The following DNHD1 variants were observed in gnomAD, a reference collection of about 807,000 sequenced individuals.
The protein encoded by DNHD1 is dynein heavy chain domain 1.
Under a neutral mutation model 458.1 loss-of-function variants are expected in DNHD1, and 383 were observed. That is an observed-to-expected ratio of 0.84 (90% confidence interval 0.77 to 0.91). DNHD1 has a LOEUF of 0.91. Among genes scored for constraint, DNHD1 ranks in the 40% least tolerant of loss-of-function variants. The pLI is 0.00. For synonymous variants in DNHD1, 2,203 were observed against 2,376.9 expected (o/e 0.93, Z 2.13); for missense variants, 5,336 against 5,866.1 (o/e 0.91, Z 2.95).
chr11:6,509,387 T>G, intron 6 of DNHD1, 115 bp downstream of exon 6: 1 of 875,816 alleles, frequency 1.1e-6, no homozygotes. Context: ...AGAAAAAACC[T>G]TTAATCCTAC....
chr11:6,499,473 G>C (rs1358022984), intron 3 of DNHD1, among the ~76,000 whole-genome samples: 1 of 152,124 alleles, frequency 6.6e-6, no homozygotes, highest in Non-Finnish European at 1.5e-5. Flanking sequence ...CTACTGGATA[G>C]AATTTCATTT....
intron 6 of DNHD1, among the ~76,000 whole-genome samples, chr11:6,511,019 G>A (rs1350292810): frequency 6.6e-6 from 1 of 152,204 alleles, no homozygotes; most frequent in Non-Finnish European, 1.5e-5. Flanking sequence ...TTCTAGCAGA[G>A]AGATCACTAG....
At chr11:6,518,236 AT>A (rs1282173876) in intron 7 of DNHD1, among the ~76,000 whole-genome samples, 2 of 151,860 alleles carry the variant, frequency 1.3e-5, no homozygotes, top group African/African-American at 4.8e-5. Flanking sequence ...AATTTTTTGT[AT>A]TTTTTGCAGA....
At chr11:6,499,846 G>A (rs772798087) in intron 3 of DNHD1, among the ~76,000 whole-genome samples, 30 of 151,784 alleles carry the variant, frequency 2.0e-4, no homozygotes, top group Non-Finnish European at 4.3e-4. Flanking sequence ...GATTACAGGC[G>A]TGAGTCACTG....
Position 6,548,909 on chromosome 11 carries a change from G to A in DNHD1, c.7363G>A (p.Glu2455Lys), listed in dbSNP as rs1564817303. The A allele has an allele frequency of 1.3e-6, 2 of 1,551,720 alleles. No homozygotes were observed. The highest frequency in any genetic ancestry group is 2.4e-5 in the East Asian group (1 of 40,928). ...DSKPSLLFLL[E>K]DLHLATSDPE... ...TAAACCCTCCCTCCTCTTCTTGCTG[G>A]AGGACCTGCACCTAGCCACTTCTGG... The change falls in exon 24 of 43, where the codon GAG becomes AAG. Residue 2455 changes from glutamate to lysine, a missense_variant. Coordinates refer to ENST00000254579, the MANE Select transcript of DNHD1 (RefSeq NM_144666.3). The surrounding 1 kb of genome is among the most constrained non-coding windows in gnomAD (Gnocchi z 4.4).
At chr11:6,540,229 C>T in intron 18 of DNHD1, 146 bp downstream of exon 18, 1 of 690,468 alleles carries the variant, frequency 1.4e-6, no homozygotes, top group Non-Finnish European at 2.4e-6. Context: ...TGTTCTGAGA[C>T]AGTGTCTTCC....
intron 7 of DNHD1, among the ~76,000 whole-genome samples, chr11:6,517,735 C>T (rs1181990915): frequency 1.5e-5 from 2 of 135,800 alleles, no homozygotes; most frequent in South Asian, 2.5e-4. Context: ...GATCTAATCA[C>T]CTCCCCAAAG....
At chr11:6,524,724 T>A (rs1029530921) in intron 10 of DNHD1, among the ~76,000 whole-genome samples, 4 of 152,210 alleles carry the variant, frequency 2.6e-5, no homozygotes, top group Non-Finnish European at 5.9e-5. Flanking sequence ...AGTCTTCAGC[T>A]ATGCTTGTGT....
At chr11:6,517,465 G>A (rs865950734) in intron 7 of DNHD1, among the ~76,000 whole-genome samples, 4 of 151,916 alleles carry the variant, frequency 2.6e-5, no homozygotes, top group Admixed American at 2.0e-4. Context: ...TAGAAACATC[G>A]ATGTGTCCAT....
chr11:6,501,089 A>G (rs1852124679), intron 3 of DNHD1, among the ~76,000 whole-genome samples: 1 of 152,158 alleles, frequency 6.6e-6, no homozygotes. Context: ...ATGTTAAATG[A>G]GACAAGTAAG....
chr11:6,503,864 A>G (rs959216844), intron 4 of DNHD1: 1 of 152,204 alleles, frequency 6.6e-6, no homozygotes, highest in Admixed American at 6.5e-5. Context: ...AAACTCTTCA[A>G]TATATTAGGC....
At position 6,564,416 on chromosome 11, in the gene DNHD1, A is replaced by C; in HGVS notation, c.10368A>C (p.Pro3456=). ...TCATCTACCTGGGTCCCTTCCCACC[A>C]TTGCGGCGCCAAGAGCTACTGGACG... ...AAIIYLGPFP[P]LRRQELLDEW... The change falls in exon 32 of 43, where the codon CCA becomes CCC. Residue 3456 remains proline, a synonymous_variant. Coordinates refer to ENST00000254579, the MANE Select transcript of DNHD1 (RefSeq NM_144666.3). 1 of 1,551,626 alleles carries C rather than the reference A, an allele frequency of 6.4e-7. No individual in the cohort carries two copies. Among genetic ancestry groups the C allele is most frequent in the East Asian group, 2.4e-5 (1 of 40,920 alleles).
intron 41 of DNHD1, 50 bp from the exon 42 acceptor site, chr11:6,570,568 A>C: frequency 6.6e-7 from 1 of 1,525,276 alleles, no homozygotes; most frequent in Non-Finnish European, 8.8e-7. Flanking sequence ...TCTCGAGTCT[A>C]GGGTGGGGAG....
At chr11:6,533,582 G>A (rs1448001250) in intron 13 of DNHD1, 99 bp from the exon 14 acceptor site, 1 of 1,433,980 alleles carries the variant, frequency 7.0e-7, no homozygotes, top group East Asian at 2.5e-5. Context: ...AACTGGGTCT[G>A]GAGACTTCAC....
At chr11:6,561,323 G>A (rs1031592237) in intron 28 of DNHD1, among the ~76,000 whole-genome samples, 6 of 152,148 alleles carry the variant, frequency 3.9e-5, no homozygotes, top group Non-Finnish European at 5.9e-5. Context: ...AGCTACTCAG[G>A]AGTCTGAGGT....
chr11:6,545,024 T>A lies in DNHD1; in HGVS notation c.4085T>A (p.Leu1362His), dbSNP rs1853177876. Residue 1362 changes from leucine to histidine, a missense_variant, in exon 21 of 43, where the codon CTT (leucine) becomes CAT (histidine). Leu to His is a moderately conservative substitution (Grantham distance 99). Coordinates refer to ENST00000254579, the MANE Select transcript of DNHD1 (RefSeq NM_144666.3). The surrounding 1 kb of genome is among the most constrained non-coding windows in gnomAD (Gnocchi z 4.9). The stretch of plus-strand genomic sequence containing the variant: ...GCTCACTTCCCCCGCCTCTTCTTCC[T>A]TAGTGACAGTGAGCTGGTAGCCCTG... ...VCAHFPRLFFLSDSELVALLA... is the reference protein window; with the variant it reads ...VCAHFPRLFFHSDSELVALLA... 1 of 1,551,710 alleles carries A rather than the reference T, an allele frequency of 6.4e-7. No individual in the cohort carries two copies. Among genetic ancestry groups the A allele is most frequent in the African/African-American group, 1.4e-5 (1 of 73,054 alleles).
intron 28 of DNHD1, among the ~76,000 whole-genome samples, chr11:6,562,691 G>A (rs993230706): frequency 9.2e-5 from 14 of 152,156 alleles, no homozygotes; most frequent in African/African-American, 3.1e-4. Flanking sequence ...TGCTGCTAAT[G>A]GGTCAACTAA....
At position 6,557,216 on chromosome 11, in the gene DNHD1, C is replaced by A; in HGVS notation, c.7921C>A (p.Arg2641Ser). The A allele has an allele frequency of 1.3e-6, 2 of 1,551,664 alleles. No homozygotes were observed. Among genetic ancestry groups the A allele is most frequent in the Non-Finnish European group, 1.7e-6 (2 of 1,147,002 alleles). ...TTGTCTGACCGTTATGATGGCCACA[C>A]GCAATGTGGTGCGTCTTTGGTTGCA... ...GTCLTVMMATRNVVRLWLHEA... is the reference protein window; with the variant it reads ...GTCLTVMMATSNVVRLWLHEA... Residue 2641 changes from arginine to serine, a missense_variant, in exon 25 of 43, where the codon CGC becomes AGC. Physicochemically the swap from Arg to Ser is moderately radical, Grantham distance 110. This residue lies in a region of DNHD1 where 3,932 missense variants were observed against 4,365.6 expected (regional missense o/e 0.90). Transcript: ENST00000254579.
rs11604077 is a variant in DNHD1 at position 6,546,029 on chromosome 11, T to C, written c.5090T>C (p.Val1697Ala). Residue 1697 changes from valine to alanine, a missense_variant, in exon 21 of 43, where the codon GTG becomes GCG. This residue lies in a region of DNHD1 where 3,932 missense variants were observed against 4,365.6 expected (regional missense o/e 0.90). Transcript: ENST00000254579. ...AATGGTGTGGGCAAGAGAGCTATAG[T>C]GAACAGCCTGGCACAGGCCCTGGGC... ...GPNGVGKRAI[V>A]NSLAQALGRQ... The C allele has an allele frequency of 2.0e-4, 303 of 1,551,290 alleles. 1 individual carries two copies. Among genetic ancestry groups the C allele is most frequent in the Non-Finnish European group, 2.3e-4 (259 of 1,146,748 alleles).
Sources: allele counts gnomAD v4.1 joint callset (sites outside exome capture counted in the v4.1 genomes callset), GRCh38; gene constraint gnomAD v4.1.1; regional missense constraint gnomAD v4.1.1; non-coding constraint Gnocchi (gnomAD v3.1); transcripts MANE v1.5; gene names NCBI Gene and HGNC (gene_info 2026-07-23, HGNC 2026-07-21).